Variants in KYAT3 observed in about 807,000 individuals in gnomAD.
The protein encoded by KYAT3 is kynurenine aminotransferase 3, also known as kynurenine--oxoglutarate transaminase 3.
In KYAT3, 50 loss-of-function variants were observed where a neutral mutation model predicts 59.0. The observed-to-expected ratio is 0.85, with a 90% CI of 0.68 to 1.07. KYAT3 has a LOEUF of 1.07. KYAT3 is among the 50% of genes least tolerant of loss of function. The probability of loss-of-function intolerance (pLI) is 0.00; values close to 1 mark genes in which losing one functional copy is unlikely to be tolerated. For missense variants in KYAT3, 497 were observed against 533.3 expected, an observed-to-expected ratio of 0.93 and a Z score of 0.67; for synonymous variants, 148 against 177.0, an observed-to-expected ratio of 0.84 and a Z score of 1.30.
rs137996925 is a variant in KYAT3 at position 88,969,436 on chromosome 1, C to T, written c.131G>A (p.Arg44Gln). The change falls in exon 3 of 14, where the codon CGG becomes CAG. Residue 44 changes from arginine (R) to glutamine (Q), a missense_variant. By Grantham distance (43) the Arg-to-Gln change is conservative. Transcript: ENST00000260508. Reference sequence around the variant, plus strand: ...CACATTACTATCAAGTCCTTCAATCCGTTTTGCATTTGTGAATTTCAGTGA... The same window carrying T: ...CACATTACTATCAAGTCCTTCAATCTGTTTTGCATTTGTGAATTTCAGTGA... ...KMSLKFTNAK[R>Q]IEGLDSNVWI... 6.4e-4 allele frequency: 1,009 copies of T among 1,577,576 alleles called. 14 individuals carry two copies. The East Asian group carries it at 0.019, about 29-fold the overall frequency.
At chr1:88,981,054 AT>A (rs1336140551) in intron 2 of KYAT3, 23 of 152,358 alleles carry the variant, frequency 1.5e-4, no homozygotes, top group African/African-American at 5.5e-4. Context: ...ACATTACACT[AT>A]TGGCTCTAGT....
the KYAT3 span, among the ~76,000 whole-genome samples, chr1:88,925,667 G>C: frequency 6.7e-6 from 1 of 149,280 alleles, no homozygotes; most frequent in Non-Finnish European, 1.5e-5. Context: ...AGATGGAAGA[G>C]AGAAAGAGAG....
the KYAT3 span, among the ~76,000 whole-genome samples, chr1:88,928,809 T>G: frequency 6.6e-6 from 1 of 152,144 alleles, no homozygotes; most frequent in Non-Finnish European, 1.5e-5. Context: ...CCTCCAGATC[T>G]GTCACTATCC....
chr1:88,984,919 T>G (rs1295053959), intron 2 of KYAT3, among the ~76,000 whole-genome samples: 1 of 152,282 alleles, frequency 6.6e-6, no homozygotes, highest in Non-Finnish European at 1.5e-5. Flanking sequence ...ACTTTCCATA[T>G]GTACTGGTTA....
At chr1:88,931,851 T>C (rs1674915709), downstream of KYAT3, among the ~76,000 whole-genome samples, 1 of 112,152 alleles carries the variant, frequency 8.9e-6, no homozygotes, top group Non-Finnish European at 1.6e-5. Flanking sequence ...TCCCTTTGTA[T>C]GGGAGCTCTG....
Position 88,983,243 on chromosome 1 carries a change from C to A in KYAT3, c.99+5009G>T, listed in dbSNP as rs1182940171. 1.9e-6 allele frequency: 3 copies of A among 1,613,320 alleles called. No individual in the cohort carries two copies. In the East Asian group the frequency reaches 6.7e-5, roughly 36 times the overall value. ...TCTACGAGAGGGGAGCGGTTCCCTT[C>A]GAGGTGGACCTCCATAACTATCTCT... On this transcript the variant is annotated intron_variant, in intron 2 of 13. Coordinates refer to ENST00000260508, the MANE Select transcript of KYAT3 (RefSeq NM_001008661.3).
intron 11 of KYAT3, among the ~76,000 whole-genome samples, chr1:88,947,834 A>T (rs1271720503): frequency 1.3e-5 from 2 of 152,230 alleles, no homozygotes; most frequent in African/African-American, 4.8e-5. Flanking sequence ...CATGCCTGTA[A>T]TCCCAGCACT....
intron 2 of KYAT3, chr1:88,983,385 G>A (rs778153181): frequency 6.2e-7 from 1 of 1,614,160 alleles, no homozygotes; most frequent in South Asian, 1.1e-5. Context: ...CTTTTTACTG[G>A]GAGTGGTCCC....
intron 2 of KYAT3, among the ~76,000 whole-genome samples, chr1:88,971,922 T>C (rs1448363603): frequency 1.3e-5 from 2 of 152,214 alleles, no homozygotes; most frequent in African/African-American, 4.8e-5. Flanking sequence ...CAAAATGATA[T>C]ACAGCATGAC....
chr1:88,984,042 G>A (rs1203794265), intron 2 of KYAT3: 25 of 466,808 alleles, frequency 5.4e-5, no homozygotes, highest in Non-Finnish European at 8.2e-5. Flanking sequence ...GCCACTAGAT[G>A]GCAGAGGAAA....
chr1:88,977,213 T>A (rs1676826230), intron 2 of KYAT3, among the ~76,000 whole-genome samples: 1 of 151,956 alleles, frequency 6.6e-6, no homozygotes, highest in South Asian at 2.1e-4. Flanking sequence ...TGATTTTTAT[T>A]TTTTTGAGAC....
Position 88,984,204 on chromosome 1 carries a change from C to CTTTTTTT in KYAT3, c.99+4041_99+4047dup, listed in dbSNP as rs908183722. 133 of 81,752 alleles carry CTTTTTTT rather than the reference C, an allele frequency of 1.6e-3. 13 individuals carry two copies. Among genetic ancestry groups the CTTTTTTT allele is most frequent in the African/African-American group, 4.0e-3 (91 of 22,858 alleles). The allele number at this position is 81,752 out of a possible 1,614,324, so 5.1% of individuals were successfully genotyped here. On this transcript the variant is annotated intron_variant, in intron 2 of 13. Coordinates refer to ENST00000260508, the MANE Select transcript of KYAT3 (RefSeq NM_001008661.3). ...ATTAACAGGAGCCCTTTTTTTGTTGCTTTTTTTTTTTTTTTTTTTTTTTTT... is the reference window on the plus strand; with the variant it reads ...ATTAACAGGAGCCCTTTTTTTGTTGCTTTTTTTTTTTTTTTTTTTTTTTTTTTTTTTT...
chr1:88,949,980 A>G (rs1281998885), intron 10 of KYAT3, among the ~76,000 whole-genome samples: 2 of 152,162 alleles, frequency 1.3e-5, no homozygotes, highest in Non-Finnish European at 2.9e-5. Flanking sequence ...TGGGGCCTTT[A>G]GGAAGTGATT....
chr1:88,967,613 T>C (rs927543975), intron 4 of KYAT3, among the ~76,000 whole-genome samples: 1 of 152,066 alleles, frequency 6.6e-6, no homozygotes, highest in African/African-American at 2.4e-5. Context: ...TCTCCTTGTG[T>C]CAGTTTTGGT....
At chr1:88,952,652 G>A (rs1427847049) in intron 10 of KYAT3, among the ~76,000 whole-genome samples, 1 of 152,156 alleles carries the variant, frequency 6.6e-6, no homozygotes, top group East Asian at 1.9e-4. Flanking sequence ...GTAGAACCAT[G>A]AGCCAAGTAA....
intron 2 of KYAT3, among the ~76,000 whole-genome samples, chr1:88,970,758 C>A (rs183410741): frequency 7.2e-5 from 11 of 152,080 alleles, no homozygotes; most frequent in African/African-American, 2.7e-4. Flanking sequence ...TGTTAACAAG[C>A]TGGTAGAAAT....
chr1:88,933,539 T>A (rs150085967), downstream of KYAT3, among the ~76,000 whole-genome samples: 2 of 151,992 alleles, frequency 1.3e-5, no homozygotes, highest in Non-Finnish European at 2.9e-5. Flanking sequence ...ACATAGCAGG[T>A]TAGTAGATAG....
intron 10 of KYAT3, among the ~76,000 whole-genome samples, chr1:88,952,318 C>T (rs1041221586): frequency 6.6e-6 from 1 of 152,076 alleles, no homozygotes; most frequent in East Asian, 1.9e-4. Context: ...GTGCAGATAG[C>T]TTGATATGGT....
the KYAT3 span, among the ~76,000 whole-genome samples, chr1:88,923,169 C>T: frequency 6.6e-6 from 1 of 152,170 alleles, no homozygotes; most frequent in Admixed American, 6.5e-5. Flanking sequence ...GCTTTCTATG[C>T]CTTGCAACAT....
Sources: gnomAD v4.1 joint callset for allele counts (sites outside exome capture counted in the v4.1 genomes callset) on GRCh38, gnomAD v4.1.1 for gene constraint, MANE v1.5 for transcripts, NCBI Gene and HGNC (gene_info 2026-07-23, HGNC 2026-07-21) for gene names.